KIAA1958: variants seen among roughly 807,000 people sequenced by gnomAD.
The protein encoded by KIAA1958 is uncharacterized protein KIAA1958.
In KIAA1958, 14 loss-of-function variants were observed where a neutral mutation model predicts 47.2. The observed-to-expected ratio is 0.30, with a 90% confidence interval of 0.20 to 0.46. The LOEUF (loss-of-function observed/expected upper bound fraction) is 0.46. KIAA1958 is among the 20% of genes least tolerant of loss of function. KIAA1958 has a pLI of 1.00. For synonymous variants in KIAA1958, 354 were observed against 353.3 expected, an observed-to-expected ratio of 1.00 and a Z score of -0.02; for missense variants, 803 against 909.2, an observed-to-expected ratio of 0.88 and a Z score of 1.50.
chr9:112,625,547 C>A (rs1231240361), intron 2 of KIAA1958, among the ~76,000 whole-genome samples: 1 of 152,154 alleles, frequency 6.6e-6, no homozygotes, highest in African/African-American at 2.4e-5. Context: ...TTTCCCTTGT[C>A]AGGGTTAAAG....
chr9:112,618,537 A>G lies in KIAA1958; in HGVS notation c.1172-27113A>G, dbSNP rs1836444684. 3.9e-6 allele frequency: 6 copies of G among 1,550,582 alleles called. No individual in the cohort carries two copies. The highest frequency in any genetic ancestry group is 5.2e-6 in the Non-Finnish European group (6 of 1,147,028). The stretch of plus-strand genomic sequence containing the variant: ...GTGTATGCCACCCAGCACGCCCCAC[A>G]GACCTGCCCTGTCCAGGACTATAAG... On this transcript the variant is annotated intron_variant, in intron 2 of 3. Coordinates refer to ENST00000337530, the MANE Select transcript of KIAA1958 (RefSeq NM_133465.4). The surrounding 1 kb of genome is among the most constrained non-coding windows in gnomAD (Gnocchi z 7.1).
chr9:112,521,530 TTAATTAGAA>T (rs1834543832), intron 1 of KIAA1958, among the ~76,000 whole-genome samples: 1 of 152,154 alleles, frequency 6.6e-6, no homozygotes, highest in African/African-American at 2.4e-5. Context: ...ATAGTCTATA[TTAATTAGAA>T]TAATATTTTT....
At chr9:112,568,868 A>T (rs907694079) in intron 1 of KIAA1958, among the ~76,000 whole-genome samples, 3 of 138,720 alleles carry the variant, frequency 2.2e-5, no homozygotes, top group African/African-American at 8.2e-5. Flanking sequence ...AGCCTGGGCA[A>T]CACAGCAAGA....
rs372918486 is a variant in KIAA1958 at position 112,547,998 on chromosome 9, C to CTT, written c.-24-26033_-24-26032dup. On this transcript the variant is annotated intron_variant, in intron 1 of 3. Transcript: ENST00000337530. The stretch of plus-strand genomic sequence containing the variant: ...TTCAACCAATTGCCAGTCAGAAAAT[C>CTT]TTTTTTTTTTTTTTTTTTTTTTTTT... 6.2e-4 allele frequency among the ~76,000 whole-genome samples: 59 copies of CTT among 94,566 alleles called. 1 individual carries two copies. In the East Asian group the frequency reaches 0.011, roughly 18 times the overall value. 62.0% of individuals were successfully genotyped at this position (94,566 alleles called of 152,430 possible). A position where few individuals can be genotyped will look rare whatever the true frequency, so the allele number is the denominator to read the frequency against.
intron 1 of KIAA1958, among the ~76,000 whole-genome samples, chr9:112,529,880 G>GTC (rs1834723480): frequency 6.6e-6 from 1 of 151,512 alleles, no homozygotes; most frequent in Non-Finnish European, 1.5e-5. Flanking sequence ...GTCTCACTCT[G>GTC]TCGCCCAGGC....
chr9:112,611,289 C>A (rs145782323), intron 2 of KIAA1958, among the ~76,000 whole-genome samples: 11 of 152,004 alleles, frequency 7.2e-5, no homozygotes, highest in Admixed American at 2.6e-4. Context: ...GATAAAATTA[C>A]CATTTTTGCA....
intron 1 of KIAA1958, among the ~76,000 whole-genome samples, chr9:112,499,012 A>G (rs992667202): frequency 4.6e-5 from 7 of 152,126 alleles, no homozygotes; most frequent in African/African-American, 1.7e-4. Flanking sequence ...TCTGTGCCTG[A>G]CTTATTTTGC....
intron 1 of KIAA1958, among the ~76,000 whole-genome samples, chr9:112,552,335 T>A (rs1835165033): frequency 6.6e-6 from 1 of 152,088 alleles, no homozygotes; most frequent in Non-Finnish European, 1.5e-5. Context: ...GGATTAAGAG[T>A]CTTTGGTTTT....
chr9:112,636,368 G>A (rs1199603192), intron 2 of KIAA1958, among the ~76,000 whole-genome samples: 1 of 151,960 alleles, frequency 6.6e-6, no homozygotes, highest in South Asian at 2.1e-4. Flanking sequence ...AGTTGTGTGT[G>A]TTGTTCTTCT....
chr9:112,561,513 A>G (rs913368084), intron 1 of KIAA1958, among the ~76,000 whole-genome samples: 1 of 152,152 alleles, frequency 6.6e-6, no homozygotes, highest in Non-Finnish European at 1.5e-5. Context: ...CTGTCATACA[A>G]TATTTATTGA....
At chr9:112,566,769 T>G (rs1394687902) in intron 1 of KIAA1958, among the ~76,000 whole-genome samples, 1 of 152,146 alleles carries the variant, frequency 6.6e-6, no homozygotes, top group Non-Finnish European at 1.5e-5. Context: ...GACTTTTGTT[T>G]TAAAATTATT....
At chr9:112,540,970 C>T (rs1037268175) in intron 1 of KIAA1958, among the ~76,000 whole-genome samples, 21 of 151,982 alleles carry the variant, frequency 1.4e-4, no homozygotes, top group African/African-American at 4.8e-4. Context: ...TTGGCCCACC[C>T]CCACCTCCTA....
chr9:112,503,754 A>G lies in KIAA1958; in HGVS notation c.-25+16636A>G, dbSNP rs145555379. 2.2e-3 allele frequency among the ~76,000 whole-genome samples: 331 copies of G among 152,164 alleles called. 2 individuals are homozygous for G. The highest frequency in any genetic ancestry group is 3.4e-3 in the Non-Finnish European group (232 of 68,002). On this transcript the variant is annotated intron_variant, in intron 1 of 3. Coordinates refer to ENST00000337530, the MANE Select transcript of KIAA1958 (RefSeq NM_133465.4). ...GGTAGATCATGTAGAACCTTCTGGC[A>G]AAATGAAAAATCCCTATTAAAAATT...
At chr9:112,496,779 T>G (rs1834057952) in intron 1 of KIAA1958, among the ~76,000 whole-genome samples, 1 of 152,222 alleles carries the variant, frequency 6.6e-6, no homozygotes, top group Non-Finnish European at 1.5e-5. Context: ...CTGGTTGTTC[T>G]TAGATACAAT....
At chr9:112,626,266 G>A (rs1342671095) in intron 2 of KIAA1958, among the ~76,000 whole-genome samples, 1 of 152,050 alleles carries the variant, frequency 6.6e-6, no homozygotes, top group African/African-American at 2.4e-5. Flanking sequence ...AGGAACTCAA[G>A]CATAAATATT....
intron 1 of KIAA1958, among the ~76,000 whole-genome samples, chr9:112,517,502 C>T (rs916685627): frequency 2.0e-5 from 3 of 152,124 alleles, no homozygotes; most frequent in African/African-American, 7.2e-5. Flanking sequence ...TGGAATAAAA[C>T]GTTGGAGAAA....
chr9:112,584,166 T>G (rs1434664975), intron 2 of KIAA1958, among the ~76,000 whole-genome samples: 1 of 152,182 alleles, frequency 6.6e-6, no homozygotes, highest in East Asian at 1.9e-4. Context: ...CAGCCTGGAT[T>G]CATATCCCAG....
chr9:112,636,091 A>G lies in KIAA1958; in HGVS notation c.1172-9559A>G, dbSNP rs1836800184. On this transcript the variant is annotated intron_variant, in intron 2 of 3. Transcript: ENST00000337530. ...TCATTGATTTTTTTTCTTTTACCAG[A>G]AAGAATTGTTTATTTTATATATATA... 2.0e-5 allele frequency among the ~76,000 whole-genome samples: 3 copies of G among 148,784 alleles called. No individual in the cohort carries two copies. The East Asian group carries it at 5.8e-4, about 29-fold the overall frequency.
In KIAA1958 at chr9:112,645,900, A is replaced by C. The variant is rs968947221; in HGVS notation, c.1344+78A>C. 8 of 1,279,682 alleles carry C rather than the reference A, an allele frequency of 6.3e-6. No homozygotes were observed. In the Admixed American group the frequency reaches 1.7e-4, roughly 27 times the overall value. The allele number at this position is 1,279,682 out of a possible 1,614,324, so 79.3% of individuals were successfully genotyped here. ...TGCCAGGCACTGTGCTAAGCATTGT[A>C]GGGAACACAGAACGGTGGCTTTCTG... On this transcript the variant is annotated intron_variant, in intron 3 of 3. Coordinates refer to ENST00000337530, the MANE Select transcript of KIAA1958 (RefSeq NM_133465.4).
Sources: allele counts gnomAD v4.1 joint callset (sites outside exome capture counted in the v4.1 genomes callset), GRCh38; gene constraint gnomAD v4.1.1; non-coding constraint Gnocchi (gnomAD v3.1); transcripts MANE v1.5; gene names NCBI Gene and HGNC (gene_info 2026-07-23, HGNC 2026-07-21).